Variants in SETDB1 observed in about 807,000 individuals in gnomAD.
SETDB1 encodes the protein histone-lysine N-methyltransferase SETDB1.
In SETDB1, 31 loss-of-function variants were observed where a neutral mutation model predicts 137.4. That is an observed-to-expected ratio of 0.23 (90% CI 0.17 to 0.30). SETDB1 has a LOEUF of 0.30. SETDB1 is among the 10% of genes least tolerant of loss of function. The probability of loss-of-function intolerance (pLI) is 1.00; values close to 1 mark genes in which losing one functional copy is unlikely to be tolerated. For missense variants in SETDB1, 1,113 were observed against 1,631.5 expected, an observed-to-expected ratio of 0.68 and a Z score of 5.47; for synonymous variants, 548 against 579.9, an observed-to-expected ratio of 0.95 and a Z score of 0.79.
intron 15 of SETDB1, among the ~76,000 whole-genome samples, chr1:150,960,333 C>T (rs1670781735): frequency 6.6e-6 from 1 of 151,554 alleles, no homozygotes; most frequent in South Asian, 2.1e-4. Flanking sequence ...AAAAATTAGC[C>T]AGGCATGGTG....
intron 3 of SETDB1, among the ~76,000 whole-genome samples, chr1:150,938,253 G>T (rs1323130402): frequency 6.6e-6 from 1 of 151,038 alleles, no homozygotes; most frequent in Non-Finnish European, 1.5e-5. Context: ...ACTGATACGT[G>T]GTACAACATA....
At chr1:150,957,076 C>T (rs72992046) in intron 14 of SETDB1, among the ~76,000 whole-genome samples, 4,693 of 150,784 alleles carry the variant, frequency 0.031, 260 homozygotes, top group African/African-American at 0.11. Flanking sequence ...GTGTTTGTGC[C>T]GCTGCACTAT....
chr1:150,952,891 A>C (rs1367719373), intron 14 of SETDB1, among the ~76,000 whole-genome samples: 1 of 152,140 alleles, frequency 6.6e-6, no homozygotes, highest in East Asian at 1.9e-4. Flanking sequence ...CAGTCTCAGA[A>C]AACAAAACAA....
At chr1:150,931,587 T>C (rs963843595) in intron 3 of SETDB1, among the ~76,000 whole-genome samples, 6 of 146,868 alleles carry the variant, frequency 4.1e-5, no homozygotes, top group African/African-American at 1.5e-4. Flanking sequence ...AATGTGCACA[T>C]GTACCCTAAA....
intron 3 of SETDB1, among the ~76,000 whole-genome samples, chr1:150,931,277 AAAAAG>A (rs1278869074): frequency 2.4e-4 from 34 of 143,080 alleles, no homozygotes; most frequent in Middle Eastern, 3.6e-3. Flanking sequence ...AAAAAAAAAA[AAAAAG>A]GGTTTCCAGA....
At chr1:150,961,319 C>G in intron 16 of SETDB1, 128 bp downstream of exon 16, 1 of 977,130 alleles carries the variant, frequency 1.0e-6, no homozygotes. Context: ...ACCTCGTTAT[C>G]TCTCCCCCTA....
At chr1:150,930,990 T>C (rs1353838765) in intron 3 of SETDB1, among the ~76,000 whole-genome samples, 1 of 152,096 alleles carries the variant, frequency 6.6e-6, no homozygotes, top group East Asian at 1.9e-4. Context: ...CCAGATACAG[T>C]GGCTCATACC....
intron 10 of SETDB1, 125 bp downstream of exon 10, chr1:150,947,137 C>G: frequency 1.7e-6 from 2 of 1,143,260 alleles, no homozygotes; most frequent in Non-Finnish European, 2.4e-6. Context: ...GGATATGTGC[C>G]CTGAGTTGTT....
At chr1:150,955,113 AAAC>A (rs1670602056) in intron 14 of SETDB1, among the ~76,000 whole-genome samples, 1 of 152,256 alleles carries the variant, frequency 6.6e-6, no homozygotes. Context: ...TTGAAAAACT[AAAC>A]AAAGGAATAG....
At chr1:150,940,017 A>G in intron 4 of SETDB1, 43 bp downstream of exon 4, 3 of 1,523,212 alleles carry the variant, frequency 2.0e-6, no homozygotes, top group Non-Finnish European at 1.8e-6. Context: ...TAAGAATATG[A>G]AAATAGGAGA....
Position 150,950,662 on chromosome 1 carries a change from G to A in SETDB1, c.1788G>A (p.Arg596=). ...RVRPMRNEQY[R]GKNPLLVPLL... Reference sequence around the variant, plus strand: ...GACCTATGAGGAATGAGCAGTACCGGGGCAAGAACCCTCTGCTGGTCCCGT... The same window carrying A: ...GACCTATGAGGAATGAGCAGTACCGAGGCAAGAACCCTCTGCTGGTCCCGT... The change falls in exon 13 of 22, where the codon CGG becomes CGA. Residue 596 remains arginine, a synonymous_variant. Transcript: ENST00000692827. The A allele has an allele frequency of 6.2e-7, 1 of 1,614,150 alleles. No homozygotes were observed. Among genetic ancestry groups the A allele is most frequent in the Non-Finnish European group, 8.5e-7 (1 of 1,180,028 alleles).
chr1:150,945,314 A>G, intron 9 of SETDB1: 1 of 1,434,544 alleles, frequency 7.0e-7, no homozygotes, highest in South Asian at 1.5e-5. Flanking sequence ...CTGAATTATA[A>G]TACGAATCTG....
At chr1:150,959,434 T>C (rs1670751649) in intron 15 of SETDB1, 87 bp downstream of exon 15, 1 of 1,139,118 alleles carries the variant, frequency 8.8e-7, no homozygotes. Context: ...AAGAAGAAAG[T>C]GCTTGACATG....
Position 150,963,068 on chromosome 1 carries a change from A to T in SETDB1, c.3389A>T (p.Asp1130Val). 1.9e-6 allele frequency: 3 copies of T among 1,614,220 alleles called. No homozygotes were observed. Among genetic ancestry groups the T allele is most frequent in the Non-Finnish European group, 2.5e-6 (3 of 1,180,038 alleles). Reference protein sequence around the residue: ...TAGQTSATAVDSDDIQTISSG... With the variant: ...TAGQTSATAVVSDDIQTISSG... ...GGTCAGACTTCGGCTACAGCGGTTGACAGTGATGATATCCAGACCATATCC... is the reference window on the plus strand; with the variant it reads ...GGTCAGACTTCGGCTACAGCGGTTGTCAGTGATGATATCCAGACCATATCC... The change falls in exon 19 of 22, where the codon GAC becomes GTC. Residue 1130 changes from aspartate (D) to valine (V), a missense_variant. This residue lies in a region of SETDB1 where 373 missense variants were observed against 412.7 expected (regional missense o/e 0.90). Transcript: ENST00000692827.
chr1:150,964,553 C>T lies in SETDB1; in HGVS notation c.*189C>T. On this transcript the variant is annotated 3_prime_UTR_variant, in exon 22 of 22. Coordinates refer to ENST00000692827, the MANE Select transcript of SETDB1 (RefSeq NM_001366418.1). Reference sequence around the variant, plus strand: ...CTAGCAGGCAGGATCCCTTCTCCACCTCCAAAGGCCCTAAAGGGTGGGGAG... The same window carrying T: ...CTAGCAGGCAGGATCCCTTCTCCACTTCCAAAGGCCCTAAAGGGTGGGGAG... 1 of 702,674 alleles carries T rather than the reference C, an allele frequency of 1.4e-6. No homozygotes were observed. Among genetic ancestry groups the T allele is most frequent in the East Asian group, 2.7e-5 (1 of 37,284 alleles). The allele number at this position is 702,674 out of a possible 1,614,324, so 43.5% of individuals were successfully genotyped here.
intron 14 of SETDB1, among the ~76,000 whole-genome samples, chr1:150,952,490 G>A (rs1670518934): frequency 1.3e-5 from 2 of 152,138 alleles, no homozygotes; most frequent in African/African-American, 4.8e-5. Flanking sequence ...TTTTTGGCTT[G>A]AGCATCTTAG....
chr1:150,931,597 AACTT>A (rs1167826364), intron 3 of SETDB1, among the ~76,000 whole-genome samples: 1 of 149,300 alleles, frequency 6.7e-6, no homozygotes, highest in Non-Finnish European at 1.5e-5. Flanking sequence ...TGTACCCTAA[AACTT>A]AAAGTATAAT....
chr1:150,930,645 G>A (rs1478834432), intron 3 of SETDB1, among the ~76,000 whole-genome samples: 4 of 138,708 alleles, frequency 2.9e-5, no homozygotes, highest in South Asian at 2.3e-4. Context: ...TCTCTGCTTC[G>A]ACCTCCCAAC....
At chr1:150,963,939 GC>G in intron 20 of SETDB1, 55 bp from the exon 21 acceptor site, 1 of 1,534,356 alleles carries the variant, frequency 6.5e-7, no homozygotes. Context: ...CACTCTCCCT[GC>G]AAAGCCAGGT....
Sources: allele counts gnomAD v4.1 joint callset (sites outside exome capture counted in the v4.1 genomes callset), GRCh38; gene constraint gnomAD v4.1.1; regional missense constraint gnomAD v4.1.1; transcripts MANE v1.5; gene names NCBI Gene and HGNC (gene_info 2026-07-23, HGNC 2026-07-21).